RTN1: variants seen among roughly 807,000 people sequenced by gnomAD.
RTN1 encodes reticulon-1.
RTN1 carries 25 observed loss-of-function variants against 65.5 expected under a neutral mutation model. The ratio of observed to expected loss-of-function variants is 0.38; its 90% CI spans 0.28 to 0.53. The LOEUF (loss-of-function observed/expected upper bound fraction) is 0.53, where lower values mean the gene tolerates loss of function less well. RTN1 is among the 20% of genes least tolerant of loss of function. The pLI is 0.79. For missense variants in RTN1, 983 were observed against 1,025.4 expected (o/e 0.96, Z 0.57); for synonymous variants, 471 against 447.6 (o/e 1.05, Z -0.66).
chr14:59,654,381 A>T (rs1268771992), intron 3 of RTN1, among the ~76,000 whole-genome samples: 1 of 148,054 alleles, frequency 6.8e-6, no homozygotes, highest in Non-Finnish European at 1.5e-5. Flanking sequence ...GTGAGCCAAG[A>T]TTGTGCCACG....
At chr14:59,745,077 A>T (rs974228659) in intron 2 of RTN1, among the ~76,000 whole-genome samples, 3 of 152,084 alleles carry the variant, frequency 2.0e-5, no homozygotes, top group African/African-American at 4.8e-5. Context: ...TGGAAATGTG[A>T]CTTGTGGCTT....
intron 3 of RTN1, among the ~76,000 whole-genome samples, chr14:59,651,149 T>C (rs549397776): frequency 1.3e-5 from 2 of 152,114 alleles, no homozygotes; most frequent in African/African-American, 2.4e-5. Context: ...TATGGGGCTA[T>C]AATAATGAAA....
intron 1 of RTN1, among the ~76,000 whole-genome samples, chr14:59,784,810 T>C (rs1886223680): frequency 6.6e-6 from 1 of 152,234 alleles, no homozygotes; most frequent in South Asian, 2.1e-4. Flanking sequence ...GAGTATGTAA[T>C]TAACGACACT....
rs767907338 is a variant in RTN1 at position 59,726,978 on chromosome 14, C to T, written c.1706G>A (p.Gly569Asp). The T allele has an allele frequency of 7.4e-6, 12 of 1,613,340 alleles. No individual in the cohort carries two copies. Among genetic ancestry groups the T allele is most frequent in the Non-Finnish European group, 8.5e-6 (10 of 1,179,672 alleles). Reference sequence around the variant, plus strand: ...GGCGCCAGGACCTAGAGGCCCAGGGCCCTTTGTGGCCGCAGGACTTTGGTT... The same window carrying T: ...GGCGCCAGGACCTAGAGGCCCAGGGTCCTTTGTGGCCGCAGGACTTTGGTT... ...SSNQSPAATK[G>D]PGPLGPGAPP... Residue 569 changes from glycine (G) to aspartate (D), a missense_variant, in exon 3 of 9, where the codon GGC becomes GAC. Around this residue, in one of 2 missense-constraint regions of RTN1, gnomAD observed 818 missense variants for 801.8 expected, o/e 1.02. Transcript: ENST00000267484.
chr14:59,674,978 T>C (rs984653554), intron 3 of RTN1, among the ~76,000 whole-genome samples: 18 of 151,946 alleles, frequency 1.2e-4, no homozygotes, highest in African/African-American at 3.9e-4. Flanking sequence ...ACCTATCTCC[T>C]CTAGGTGCTG....
In RTN1 at chr14:59,643,099, C is replaced by G. The variant is rs372647783; in HGVS notation, c.1766-35607G>C. Reference sequence around the variant, plus strand: ...TTGTTTTAGGCCAATAAGCCTCTGGCTAGTCTAAGAAAAAAGAAAGAACAC... The same window carrying G: ...TTGTTTTAGGCCAATAAGCCTCTGGGTAGTCTAAGAAAAAAGAAAGAACAC... On this transcript the variant is annotated intron_variant, in intron 3 of 8. Coordinates refer to ENST00000267484, the MANE Select transcript of RTN1 (RefSeq NM_021136.3). Among the ~76,000 whole-genome samples, 51 of 152,182 alleles carry G rather than the reference C, an allele frequency of 3.4e-4. No homozygotes were observed. The East Asian group carries it at 5.0e-3, about 15-fold the overall frequency.
In RTN1 at chr14:59,836,446, T is replaced by C. The variant is rs2139647274; in HGVS notation, c.241+33944A>G. 6.6e-6 allele frequency among the ~76,000 whole-genome samples: 1 copy of C among 152,340 alleles called. No individual in the cohort carries two copies. The highest frequency in any genetic ancestry group is 2.4e-5 in the African/African-American group (1 of 41,580). ...ACTCCCCACATCACACAACTAATTTTTCCAGTTCTTACATCTTCTTTGTAA... is the reference window on the plus strand; with the variant it reads ...ACTCCCCACATCACACAACTAATTTCTCCAGTTCTTACATCTTCTTTGTAA... On this transcript the variant is annotated intron_variant, in intron 1 of 8. Transcript: ENST00000267484. The surrounding 1 kb of genome is among the most constrained non-coding windows in gnomAD (Gnocchi z 4.9).
At chr14:59,654,314 G>C (rs765118674) in intron 3 of RTN1, among the ~76,000 whole-genome samples, 7 of 151,978 alleles carry the variant, frequency 4.6e-5, no homozygotes, top group Admixed American at 2.0e-4. Flanking sequence ...TGTAGCCCCA[G>C]CTACTCAGGA....
chr14:59,667,304 C>T (rs990970848), intron 3 of RTN1, among the ~76,000 whole-genome samples: 8 of 152,172 alleles, frequency 5.3e-5, no homozygotes, highest in Non-Finnish European at 1.0e-4. Flanking sequence ...GCTGGTTCAA[C>T]ATATGCAAAT....
intron 1 of RTN1, among the ~76,000 whole-genome samples, chr14:59,788,319 A>T (rs1886289271): frequency 6.6e-6 from 1 of 152,198 alleles, no homozygotes; most frequent in South Asian, 2.1e-4. Flanking sequence ...AAAAGAATGC[A>T]CTGATTTGCA....
intron 1 of RTN1, among the ~76,000 whole-genome samples, chr14:59,802,175 T>C (rs927737678): frequency 6.6e-6 from 1 of 152,172 alleles, no homozygotes; most frequent in Non-Finnish European, 1.5e-5. Flanking sequence ...TTAGTAAAAA[T>C]AAAGTCATAA....
chr14:59,703,463 G>A (rs927599055), intron 3 of RTN1, among the ~76,000 whole-genome samples: 42 of 152,072 alleles, frequency 2.8e-4, no homozygotes, highest in Admixed American at 3.3e-4. Flanking sequence ...CATGGCTGCC[G>A]TCCTTCATCT....
chr14:59,814,638 G>A (rs1477726731), intron 1 of RTN1, among the ~76,000 whole-genome samples: 1 of 152,148 alleles, frequency 6.6e-6, no homozygotes, highest in Non-Finnish European at 1.5e-5. Context: ...AAACAGATTG[G>A]TGCCAACTTC....
At position 59,766,993 on chromosome 14, in the gene RTN1, A is replaced by G. The variant is rs1885861765; in HGVS notation, c.242-20512T>C. Among the ~76,000 whole-genome samples the G allele has an allele frequency of 6.6e-6, 1 of 152,200 alleles. No homozygotes were observed. The highest frequency in any genetic ancestry group is 6.5e-5 in the Admixed American group (1 of 15,286). Reference sequence around the variant, plus strand: ...GGGGATTTAACAATGAATGAAACAGATAAATAGTCTCTGGTCCCATGGAGG... The same window carrying G: ...GGGGATTTAACAATGAATGAAACAGGTAAATAGTCTCTGGTCCCATGGAGG... On this transcript the variant is annotated intron_variant, in intron 1 of 8. Transcript: ENST00000267484. The surrounding 1 kb of genome is among the most constrained non-coding windows in gnomAD (Gnocchi z 4.4).
rs1886413092 is a variant in RTN1, at chr14:59,794,930, G to A, written c.242-48449C>T. On this transcript the variant is annotated intron_variant, in intron 1 of 8. Transcript: ENST00000267484. This position sits in a 1 kb window ranked among gnomAD's most constrained non-coding sequence, Gnocchi z 5.1. Reference sequence around the variant, plus strand: ...CAGGAGAAGAAAAGAATAGATACTGGAGGAAACCTAGCAGCTTATGTACCT... The same window carrying A: ...CAGGAGAAGAAAAGAATAGATACTGAAGGAAACCTAGCAGCTTATGTACCT... Among the ~76,000 whole-genome samples, 1 of 152,120 alleles carries A rather than the reference G, an allele frequency of 6.6e-6. No homozygotes were observed. Among genetic ancestry groups the A allele is most frequent in the African/African-American group, 2.4e-5 (1 of 41,402 alleles).
Position 59,709,195 on chromosome 14 carries a change from A to T in RTN1, c.1765+17724T>A, listed in dbSNP as rs545095440. On this transcript the variant is annotated intron_variant, in intron 3 of 8. Coordinates refer to ENST00000267484, the MANE Select transcript of RTN1 (RefSeq NM_021136.3). The stretch of plus-strand genomic sequence containing the variant: ...GAAATGTCTTGGTGGCTGTGACTTA[A>T]TTTTAAAATGCTTTTCCCAAAAGTA... Among the ~76,000 whole-genome samples, 7 of 152,342 alleles carry T rather than the reference A, an allele frequency of 4.6e-5. No homozygotes were observed. The East Asian group carries it at 1.3e-3, about 29-fold the overall frequency.
At chr14:59,598,097 G>C (rs1881462036) in intron 8 of RTN1, among the ~76,000 whole-genome samples, 1 of 152,118 alleles carries the variant, frequency 6.6e-6, no homozygotes, top group Admixed American at 6.5e-5. Flanking sequence ...TGGGAAATGA[G>C]AGTAGAAGCA....
chr14:59,772,500 C>T (rs1035699402), intron 1 of RTN1, among the ~76,000 whole-genome samples: 1 of 150,826 alleles, frequency 6.6e-6, no homozygotes, highest in East Asian at 1.9e-4. Context: ...GATTAAGTTA[C>T]GTGACAGCCC....
intron 1 of RTN1, among the ~76,000 whole-genome samples, chr14:59,793,844 C>T (rs970502841): frequency 1.3e-5 from 2 of 152,118 alleles, no homozygotes; most frequent in African/African-American, 4.8e-5. Context: ...ATTCTGACCC[C>T]AACTTTCAAA....
Sources: gnomAD v4.1 joint callset for allele counts (sites outside exome capture counted in the v4.1 genomes callset) on GRCh38, gnomAD v4.1.1 for gene constraint, gnomAD v4.1.1 regional missense constraint, Gnocchi (gnomAD v3.1) non-coding constraint, MANE v1.5 for transcripts, NCBI Gene and HGNC (gene_info 2026-07-23, HGNC 2026-07-21) for gene names.